PKN2: variants seen among roughly 807,000 people sequenced by gnomAD.
PKN2 encodes serine/threonine-protein kinase N2.
Under a neutral mutation model 119.1 loss-of-function variants are expected in PKN2, and 38 were observed. That is an observed-to-expected ratio of 0.32 (90% CI 0.25 to 0.42). PKN2 has a LOEUF of 0.42. PKN2 is among the 10% of genes least tolerant of loss of function. PKN2 has a pLI of 1.00. For missense variants in PKN2, 850 were observed against 1,165.1 expected, an observed-to-expected ratio of 0.73 and a Z score of 3.94; for synonymous variants, 390 against 384.9, an observed-to-expected ratio of 1.01 and a Z score of -0.15.
intron 8 of PKN2, among the ~76,000 whole-genome samples, chr1:88,788,008 C>A (rs1261199910): frequency 6.6e-6 from 1 of 152,090 alleles, no homozygotes; most frequent in Non-Finnish European, 1.5e-5. Context: ...TTTCAAGCGG[C>A]CTTAGTAAAA....
At chr1:88,803,294 A>G (rs17130611) in intron 8 of PKN2, among the ~76,000 whole-genome samples, 16,969 of 152,122 alleles carry the variant, frequency 0.11, 1,964 homozygotes, top group African/African-American at 0.3. Context: ...GTGTTCATTA[A>G]CATCAACTAG....
At chr1:88,786,539 T>A (rs1241876077) in intron 8 of PKN2, among the ~76,000 whole-genome samples, 3 of 152,234 alleles carry the variant, frequency 2.0e-5, no homozygotes, top group Admixed American at 6.5e-5. Flanking sequence ...TGGCTCACCA[T>A]GTGTAGGTTA....
chr1:88,739,031 A>G lies in PKN2; in HGVS notation c.49-1957A>G, dbSNP rs543105113. On this transcript the variant is annotated intron_variant, in intron 1 of 21. Coordinates refer to ENST00000370521, the MANE Select transcript of PKN2 (RefSeq NM_006256.4). ...AGGTAGAAGATCATTGTTTATCTGT[A>G]TAGTGACAGATCAGAAATACAACTT... Among the ~76,000 whole-genome samples, 9 of 152,350 alleles carry G rather than the reference A, an allele frequency of 5.9e-5. No homozygotes were observed. The South Asian group carries it at 1.2e-3, about 21-fold the overall frequency.
chr1:88,805,437 T>C, intron 10 of PKN2, 60 bp from the exon 11 acceptor site: 7 of 1,352,930 alleles, frequency 5.2e-6, no homozygotes, highest in South Asian at 1.5e-5. Flanking sequence ...TTTTAAATTA[T>C]GACTTTTGGT....
At chr1:88,810,968 T>C (rs1671760705) in intron 15 of PKN2, among the ~76,000 whole-genome samples, 1 of 152,252 alleles carries the variant, frequency 6.6e-6, no homozygotes, top group African/African-American at 2.4e-5. Flanking sequence ...GTCTGTATTA[T>C]ATTATTTTAC....
chr1:88,833,421 T>C lies in PKN2; in HGVS notation c.2928T>C (p.Asp976=). The C allele has an allele frequency of 6.2e-7, 1 of 1,613,224 alleles. No individual in the cohort carries two copies. The highest frequency in any genetic ancestry group is 1.1e-5 in the South Asian group (1 of 91,052). ...AAGAGGAGCAGGAAATGTTCAGAGA[T>C]TTTGACTACATTGCTGATTGGTGTT... ...LSEEEQEMFR[D]FDYIADWC is the part of the protein sequence containing the mutation. The change falls in exon 22 of 22, where the codon GAT becomes GAC. Residue 976 remains aspartate, a synonymous_variant. Coordinates refer to ENST00000370521, the MANE Select transcript of PKN2 (RefSeq NM_006256.4).
chr1:88,813,679 G>C lies in PKN2; in HGVS notation c.2225G>C (p.Gly742Ala). The C allele has an allele frequency of 1.2e-6, 2 of 1,607,936 alleles. No homozygotes were observed. The highest frequency in any genetic ancestry group is 1.7e-6 in the Non-Finnish European group (2 of 1,177,890). The part of the protein sequence containing the change: ...HVCFVMEYAA[G>A]GDLMMHIHTD... ...TGCTTTGTAATGGAATATGCTGCCG[G>C]TGGGGACCTAATGATGCACATTCAT... Residue 742 changes from glycine (G) to alanine (A), a missense_variant, in exon 16 of 22, where the codon GGT becomes GCT. Around this residue, in one of 9 missense-constraint regions of PKN2, gnomAD observed 55 missense variants for 85.9 expected, o/e 0.64. Transcript: ENST00000370521.
rs183794531 is a variant in PKN2 at position 88,758,171 on chromosome 1, T to G, written c.350-2051T>G. On this transcript the variant is annotated intron_variant, in intron 2 of 21. Coordinates refer to ENST00000370521, the MANE Select transcript of PKN2 (RefSeq NM_006256.4). ...AAATTATTTACTTGGAAAATGATAA[T>G]TTTCAAAATCTGCAGGCATTGATTT... Among the ~76,000 whole-genome samples the G allele has an allele frequency of 4.5e-4, 68 of 152,184 alleles. 1 individual carries two copies. The highest frequency in any genetic ancestry group is 1.6e-4 in the Non-Finnish European group (11 of 68,006).
intron 16 of PKN2, among the ~76,000 whole-genome samples, chr1:88,820,180 C>CTATATATATATATATATATA (rs397980752): frequency 4.2e-5 from 3 of 70,740 alleles, no homozygotes; most frequent in Non-Finnish European, 7.8e-5. Context: ...TTTCAGAAAC[C>CTATATATATATATATATATA]TATATATATA....
intron 3 of PKN2, among the ~76,000 whole-genome samples, chr1:88,763,686 A>G (rs1430195010): frequency 6.6e-6 from 1 of 152,022 alleles, no homozygotes; most frequent in African/African-American, 2.4e-5. Flanking sequence ...TTATGCAAGC[A>G]GTAAGTTTAA....
At chr1:88,745,238 A>C (rs1176553486) in intron 2 of PKN2, among the ~76,000 whole-genome samples, 1 of 152,236 alleles carries the variant, frequency 6.6e-6, no homozygotes, top group African/African-American at 2.4e-5. Flanking sequence ...ACTTCTTTTC[A>C]GCATAGTACT....
At chr1:88,716,428 A>C (rs546030227) in intron 1 of PKN2, among the ~76,000 whole-genome samples, 2 of 152,152 alleles carry the variant, frequency 1.3e-5, no homozygotes, top group Non-Finnish European at 2.9e-5. Context: ...GTGGGAGTCT[A>C]AGTCTCTTTG....
chr1:88,720,463 T>G (rs1667629635), intron 1 of PKN2, among the ~76,000 whole-genome samples: 1 of 152,168 alleles, frequency 6.6e-6, no homozygotes, highest in South Asian at 2.1e-4. Flanking sequence ...TCTCTATTGT[T>G]GTCTTCAGAA....
intron 1 of PKN2, among the ~76,000 whole-genome samples, chr1:88,710,660 T>G (rs1051196303): frequency 1.3e-5 from 2 of 152,160 alleles, no homozygotes; most frequent in African/African-American, 4.8e-5. Context: ...TCACAGATGC[T>G]GTCGAGGTGG....
intron 15 of PKN2, among the ~76,000 whole-genome samples, chr1:88,810,603 A>G (rs371232696): frequency 1.3e-5 from 2 of 152,078 alleles, no homozygotes; most frequent in Admixed American, 6.6e-5. Flanking sequence ...TGTTCCTAGT[A>G]TACTTTATCT....
In PKN2 at chr1:88,833,762, T is replaced by G. The variant is rs535826738; in HGVS notation, c.*314T>G. The G allele has an allele frequency of 1.6e-5, 4 of 246,780 alleles. No individual in the cohort carries two copies. In the East Asian group the frequency reaches 3.9e-4, roughly 24 times the overall value. The allele number at this position is 246,780 out of a possible 1,614,324, so 15.3% of individuals were successfully genotyped here. A position where few individuals can be genotyped will look rare whatever the true frequency, so the allele number is the denominator to read the frequency against. On this transcript the variant is annotated 3_prime_UTR_variant, in exon 22 of 22. Coordinates refer to ENST00000370521, the MANE Select transcript of PKN2 (RefSeq NM_006256.4). ...TTTTAAAAAGAAAGAAAAAAACCAC[T>G]TTTTTATAGTCCCTAGCTTTGCCAT...
intron 1 of PKN2, among the ~76,000 whole-genome samples, chr1:88,703,504 C>T (rs1333684040): frequency 1.3e-5 from 2 of 152,088 alleles, no homozygotes; most frequent in East Asian, 3.8e-4. Context: ...AGCAAGTTAG[C>T]CCAACTGGCA....
At chr1:88,811,801 A>G (rs1671792040) in intron 15 of PKN2, among the ~76,000 whole-genome samples, 1 of 152,172 alleles carries the variant, frequency 6.6e-6, no homozygotes, top group African/African-American at 2.4e-5. Flanking sequence ...TTACTCTTAA[A>G]TTTTCATTCC....
intron 2 of PKN2, among the ~76,000 whole-genome samples, chr1:88,751,387 C>CAT (rs1668989800): frequency 6.6e-6 from 1 of 151,864 alleles, no homozygotes; most frequent in South Asian, 2.1e-4. Flanking sequence ...TACACACACA[C>CAT]ACACACACAC....
Sources: allele counts gnomAD v4.1 joint callset (sites outside exome capture counted in the v4.1 genomes callset), GRCh38; gene constraint gnomAD v4.1.1; regional missense constraint gnomAD v4.1.1; transcripts MANE v1.5; gene names NCBI Gene and HGNC (gene_info 2026-07-23, HGNC 2026-07-21).